CFAP46: variants seen among roughly 807,000 people sequenced by gnomAD.
CFAP46 encodes cilia- and flagella-associated protein 46.
CFAP46 carries 245 observed loss-of-function variants against 325.7 expected under a neutral mutation model. That is an observed-to-expected ratio of 0.75 (90% CI 0.68 to 0.84). The LOEUF is 0.84. Ranked by LOEUF, CFAP46 falls within the 40% of genes least tolerant of loss-of-function variation. CFAP46 has a pLI of 0.00. For synonymous variants in CFAP46, 1,523 were observed against 1,495.9 expected, an observed-to-expected ratio of 1.02 and a Z score of -0.42; for missense variants, 3,346 against 3,543.0, an observed-to-expected ratio of 0.94 and a Z score of 1.41.
chr10:132,930,613 G>C (rs1403758822), intron 8 of CFAP46, among the ~76,000 whole-genome samples: 1 of 111,726 alleles, frequency 9.0e-6, no homozygotes, highest in Non-Finnish European at 1.8e-5. Context: ...TCCCCACACA[G>C]AGCCTGGGCC....
intron 32 of CFAP46, among the ~76,000 whole-genome samples, chr10:132,870,590 C>T (rs867031831): frequency 3.3e-5 from 5 of 152,148 alleles, no homozygotes; most frequent in South Asian, 2.1e-4. Flanking sequence ...TGGTCTGCGC[C>T]GAAGATCAAA....
Position 132,808,497 on chromosome 10 carries a change from C to G in CFAP46, c.8072G>C (p.Gly2691Ala). 5 of 1,613,240 alleles carry G rather than the reference C, an allele frequency of 3.1e-6. No homozygotes were observed. The highest frequency in any genetic ancestry group is 4.2e-6 in the Non-Finnish European group (5 of 1,180,018). ...CAGCACCAGCGCCGCCAAGGGGAGGCCGCCCTTGTCCTGGCCCCGGGAAGA... is the reference window on the plus strand; with the variant it reads ...CAGCACCAGCGCCGCCAAGGGGAGGGCGCCCTTGTCCTGGCCCCGGGAAGA... The part of the protein sequence containing the change: ...CVSSRGQDKG[G>A]LPLAALVLSC... Residue 2691 changes from glycine to alanine, a missense_variant, in exon 58 of 58, where the codon GGC becomes GCC. Transcript: ENST00000368586. This position sits in a 1 kb window ranked among gnomAD's most constrained non-coding sequence, Gnocchi z 6.8.
chr10:132,892,614 C>G (rs1849269806), intron 24 of CFAP46, among the ~76,000 whole-genome samples, 197 bp from the exon 25 acceptor site: 1 of 152,178 alleles, frequency 6.6e-6, no homozygotes, highest in Non-Finnish European at 1.5e-5. Context: ...AATCTACAGC[C>G]AATTAATAAC....
At chr10:132,835,073 C>T (rs2135008439) in intron 47 of CFAP46, among the ~76,000 whole-genome samples, 1 of 152,370 alleles carries the variant, frequency 6.6e-6, no homozygotes, top group Admixed American at 6.5e-5. Flanking sequence ...CCAGGCCCCT[C>T]CTGTTTGTGC....
intron 22 of CFAP46, among the ~76,000 whole-genome samples, chr10:132,907,011 C>T (rs7093722): frequency 0.074 from 11,274 of 152,328 alleles, 500 homozygotes; most frequent in South Asian, 0.12. Context: ...AAGTTGCCGA[C>T]GTGAAAGGCA....
chr10:132,837,742 CAG>C (rs1433646532), intron 44 of CFAP46, among the ~76,000 whole-genome samples: 7 of 145,358 alleles, frequency 4.8e-5, no homozygotes, highest in African/African-American at 1.9e-4. Flanking sequence ...CACACGTACA[CAG>C]ATGCGCACGG....
chr10:132,823,189 CTGA>C (rs761971433), intron 50 of CFAP46, among the ~76,000 whole-genome samples: 4 of 95,980 alleles, frequency 4.2e-5, no homozygotes, highest in Non-Finnish European at 8.0e-5. Context: ...GCGCTGTGTG[CTGA>C]TGTGTGCTGT....
intron 25 of CFAP46, among the ~76,000 whole-genome samples, chr10:132,887,863 C>A (rs1383338545): frequency 9.9e-6 from 1 of 101,392 alleles, no homozygotes. Flanking sequence ...CCCTTCTCTC[C>A]TCTCCCTTCT....
In CFAP46 at chr10:132,832,732, C is replaced by T. The variant is rs1052920985; in HGVS notation, c.7117+626G>A. On this transcript the variant is annotated intron_variant, in intron 50 of 57. Coordinates refer to ENST00000368586, the MANE Select transcript of CFAP46 (RefSeq NM_001200049.3). The surrounding 1 kb of genome is among the most constrained non-coding windows in gnomAD (Gnocchi z 4.1). ...CGTCTGCACAGCCAGCACTCAGTCACAGAATGTCATCACCCCCGAATCCCA... is the reference window on the plus strand; with the variant it reads ...CGTCTGCACAGCCAGCACTCAGTCATAGAATGTCATCACCCCCGAATCCCA... 6.4e-6 allele frequency: 3 copies of T among 470,930 alleles called. No individual in the cohort carries two copies. Among genetic ancestry groups the T allele is most frequent in the Non-Finnish European group, 1.3e-5 (3 of 226,864 alleles). The allele number at this position is 470,930 out of a possible 1,614,324, so 29.2% of individuals were successfully genotyped here.
At chr10:132,837,218 A>T (rs1392034299) in intron 44 of CFAP46, 1 of 406,044 alleles carries the variant, frequency 2.5e-6, no homozygotes, top group Admixed American at 4.2e-5. Flanking sequence ...CCAAAATAAC[A>T]AATGGAAAAT....
rs181583223 is a variant in CFAP46, at chr10:132,845,131, G to A, written c.6438+926C>T. ...TGCACACCCTCCTGGACCCAGCTCC[G>A]GCAGGGCCATGTGCATCAGCATCTT... On this transcript the variant is annotated intron_variant, in intron 44 of 57. Coordinates refer to ENST00000368586, the MANE Select transcript of CFAP46 (RefSeq NM_001200049.3). Among the ~76,000 whole-genome samples the A allele has an allele frequency of 9.1e-3, 1,388 of 152,276 alleles. 14 individuals carry two copies. The highest frequency in any genetic ancestry group is 0.011 in the Non-Finnish European group (732 of 68,024).
chr10:132,847,979 C>T lies in CFAP46; in HGVS notation c.5953-658G>A, dbSNP rs1270221853. Among the ~76,000 whole-genome samples, 6 of 152,156 alleles carry T rather than the reference C, an allele frequency of 3.9e-5. No homozygotes were observed. Among genetic ancestry groups the T allele is most frequent in the African/African-American group, 1.2e-4 (5 of 41,450 alleles). ...GCAAGCACGCTGGAGGCAGGGCAGC[C>T]GTGGCCACCTGACACGCACGGCTGC... On this transcript the variant is annotated intron_variant, in intron 41 of 57. Coordinates refer to ENST00000368586, the MANE Select transcript of CFAP46 (RefSeq NM_001200049.3). The surrounding 1 kb of genome is among the most constrained non-coding windows in gnomAD (Gnocchi z 5.2).
At chr10:132,826,861 G>A (rs1289744392) in intron 50 of CFAP46, among the ~76,000 whole-genome samples, 1 of 152,188 alleles carries the variant, frequency 6.6e-6, no homozygotes, top group African/African-American at 2.4e-5. Context: ...GATCTTGGAG[G>A]TGAGGTGATA....
At chr10:132,845,141 T>C (rs1848413250) in intron 44 of CFAP46, among the ~76,000 whole-genome samples, 1 of 152,200 alleles carries the variant, frequency 6.6e-6, no homozygotes, top group African/African-American at 2.4e-5. Flanking sequence ...GGCAGGGCCA[T>C]GTGCATCAGC....
chr10:132,913,289 G>A (rs1849583126), intron 17 of CFAP46, 31 bp from the exon 18 acceptor site: 1 of 1,536,762 alleles, frequency 6.5e-7, no homozygotes, highest in Non-Finnish European at 8.8e-7. Flanking sequence ...AGCCCTTAAT[G>A]CAGGGTCCCC....
In CFAP46 at chr10:132,824,927, C is replaced by T. The variant is rs867924811; in HGVS notation, c.7117+8431G>A. 2.5e-5 allele frequency among the ~76,000 whole-genome samples: 3 copies of T among 118,600 alleles called. No homozygotes were observed. In the South Asian group the frequency reaches 9.0e-4, roughly 36 times the overall value. 77.8% of individuals were successfully genotyped at this position (118,600 alleles called of 152,430 possible). A position where few individuals can be genotyped will look rare whatever the true frequency, so the allele number is the denominator to read the frequency against. ...GTGCTAATGTGTGCTGTGTGTGCTG[C>T]TTGTGTGTGCTGTGTGTGTGCTGAT... On this transcript the variant is annotated intron_variant, in intron 50 of 57. Transcript: ENST00000368586.
intron 55 of CFAP46, 73 bp downstream of exon 55, chr10:132,812,712 T>C: frequency 9.4e-7 from 1 of 1,062,846 alleles, no homozygotes; most frequent in Non-Finnish European, 1.4e-6. Context: ...CAGGTGACAG[T>C]GGCCCTGCTC....
rs1848069234 is a variant in CFAP46, at chr10:132,827,052, T to C, written c.7117+6306A>G. ...TCAAAAACGGTTTCCGACACCTCCATGAGCCTCGTGTCTGTGCCAACCGAC... is the reference window on the plus strand; with the variant it reads ...TCAAAAACGGTTTCCGACACCTCCACGAGCCTCGTGTCTGTGCCAACCGAC... On this transcript the variant is annotated intron_variant, in intron 50 of 57. Transcript: ENST00000368586. The surrounding 1 kb of genome is among the most constrained non-coding windows in gnomAD (Gnocchi z 5.7). Among the ~76,000 whole-genome samples, 1 of 152,134 alleles carries C rather than the reference T, an allele frequency of 6.6e-6. No homozygotes were observed. Among genetic ancestry groups the C allele is most frequent in the African/African-American group, 2.4e-5 (1 of 41,416 alleles).
intron 11 of CFAP46, 77 bp downstream of exon 11, chr10:132,924,619 G>T: frequency 7.5e-7 from 1 of 1,327,638 alleles, no homozygotes; most frequent in Non-Finnish European, 9.8e-7. Flanking sequence ...AAGGGGGCTT[G>T]GGCCACCTTC....
Sources: allele counts gnomAD v4.1 joint callset (sites outside exome capture counted in the v4.1 genomes callset), GRCh38; gene constraint gnomAD v4.1.1; non-coding constraint Gnocchi (gnomAD v3.1); transcripts MANE v1.5; gene names NCBI Gene and HGNC (gene_info 2026-07-23, HGNC 2026-07-21).